NR4A1: variants seen among roughly 807,000 people sequenced by gnomAD.
The protein encoded by NR4A1 is nuclear receptor subfamily 4immunitygroup A member 1.
A neutral mutation model predicts 47.5 loss-of-function variants in NR4A1; 24 were observed. The observed-to-expected ratio is 0.50, with a 90% confidence interval of 0.37 to 0.71. The LOEUF (loss-of-function observed/expected upper bound fraction) is 0.71. NR4A1 is among the 30% of genes least tolerant of loss of function. The probability of loss-of-function intolerance (pLI) is 0.00; values close to 1 mark genes in which losing one functional copy is unlikely to be tolerated. For missense variants in NR4A1, 669 were observed against 788.6 expected, an observed-to-expected ratio of 0.85 and a Z score of 1.82; for synonymous variants, 353 against 345.7, an observed-to-expected ratio of 1.02 and a Z score of -0.24.
At chr12:52,035,403 T>G (rs1938213987) in intron 1 of NR4A1, among the ~76,000 whole-genome samples, 1 of 152,184 alleles carries the variant, frequency 6.6e-6, no homozygotes, top group South Asian at 2.1e-4. Flanking sequence ...TTTTTTCCCT[T>G]CCTGTCTAAA....
chr12:52,035,706 G>C (rs1193992230), intron 1 of NR4A1, among the ~76,000 whole-genome samples: 1 of 152,178 alleles, frequency 6.6e-6, no homozygotes, highest in Non-Finnish European at 1.5e-5. Flanking sequence ...GATTTTGAGA[G>C]ACAAACTCTG....
In NR4A1 at chr12:52,043,607, C is replaced by G. The variant is rs1035934722; in HGVS notation, c.37+1678C>G. On this transcript the variant is annotated intron_variant, in intron 2 of 7. Coordinates refer to the NR4A1 transcript ENST00000360284. ...CTGACTATTTTGGGCTCTTGCTGACCTGGGCCAAAGTCAGGTCCAGTCAAG... is the reference window on the plus strand; with the variant it reads ...CTGACTATTTTGGGCTCTTGCTGACGTGGGCCAAAGTCAGGTCCAGTCAAG... 3.1e-5 allele frequency: 32 copies of G among 1,029,712 alleles called. No individual in the cohort carries two copies. In the African/African-American group the frequency reaches 4.9e-4, roughly 16 times the overall value. The allele number at this position is 1,029,712 out of a possible 1,614,324, so 63.8% of individuals were successfully genotyped here.
chr12:52,053,219 A>C (rs1939073740), intron 1 of NR4A1, among the ~76,000 whole-genome samples: 1 of 152,082 alleles, frequency 6.6e-6, no homozygotes, highest in South Asian at 2.1e-4. Flanking sequence ...CTGTGAATGT[A>C]AGGATCTGCC....
upstream of NR4A1, among the ~76,000 whole-genome samples, chr12:52,048,962 G>A (rs920098176): frequency 6.6e-6 from 1 of 152,154 alleles, no homozygotes; most frequent in African/African-American, 2.4e-5. Context: ...GGTCCAATTG[G>A]CATCATCCTG....
upstream of NR4A1, among the ~76,000 whole-genome samples, chr12:52,051,028 C>T (rs1254197025): frequency 6.6e-6 from 1 of 152,178 alleles, no homozygotes; most frequent in Admixed American, 6.5e-5. Context: ...GCCCCGCGGC[C>T]GCGTCTCTAC....
At chr12:52,055,289 G>A (rs1211709361) in intron 2 of NR4A1, 85 bp downstream of exon 2, 3 of 1,552,098 alleles carry the variant, frequency 1.9e-6, no homozygotes, top group Non-Finnish European at 2.6e-6. Flanking sequence ...TCTCCCCCTG[G>A]GTTCTCCTCC....
In NR4A1 at chr12:52,057,911, A is replaced by C. The variant is rs567135931; in HGVS notation, c.1540+381A>C. 6.4e-4 allele frequency among the ~76,000 whole-genome samples: 98 copies of C among 152,374 alleles called. No individual in the cohort carries two copies. The South Asian group carries it at 0.01, about 16-fold the overall frequency. On this transcript the variant is annotated intron_variant, in intron 6 of 6. Coordinates refer to ENST00000394825, the MANE Select transcript of NR4A1 (RefSeq NM_173157.3). Reference sequence around the variant, plus strand: ...ACCAGCGCCTTGGTCAAGAAAGAGCACATAACTGCCCCCCAGAACCCATTA... The same window carrying C: ...ACCAGCGCCTTGGTCAAGAAAGAGCCCATAACTGCCCCCCAGAACCCATTA...
intron 1 of NR4A1, chr12:52,052,777 C>T (rs1267980473): frequency 1.8e-6 from 1 of 552,696 alleles, no homozygotes; most frequent in African/African-American, 2.0e-5. Flanking sequence ...CAGTTCTGCC[C>T]AACTGCTGTC....
upstream of NR4A1, among the ~76,000 whole-genome samples, chr12:52,048,952 G>A (rs1938787661): frequency 6.6e-6 from 1 of 152,140 alleles, no homozygotes; most frequent in African/African-American, 2.4e-5. Context: ...ATCCTGGATG[G>A]GTCCAATTGG....
At chr12:52,055,304 T>C in intron 2 of NR4A1, 100 bp downstream of exon 2, 2 of 1,494,854 alleles carry the variant, frequency 1.3e-6, no homozygotes, top group Non-Finnish European at 1.8e-6. Flanking sequence ...TCCTCCTAGC[T>C]AAGTCCTGTC....
intron 1 of NR4A1, among the ~76,000 whole-genome samples, chr12:52,028,614 A>C (rs1158660051): frequency 6.6e-6 from 1 of 151,104 alleles, no homozygotes; most frequent in Non-Finnish European, 1.5e-5. Context: ...CTTAAAAGAC[A>C]AAAAGACCAG....
intron 1 of NR4A1, among the ~76,000 whole-genome samples, chr12:52,025,736 C>A (rs1937987508): frequency 1.3e-5 from 2 of 152,182 alleles, no homozygotes; most frequent in African/African-American, 4.8e-5. Flanking sequence ...TAGAAGAGGG[C>A]CTGGCACATA....
At chr12:52,027,226 T>C (rs1460922897) in intron 1 of NR4A1, among the ~76,000 whole-genome samples, 1 of 152,182 alleles carries the variant, frequency 6.6e-6, no homozygotes, top group Non-Finnish European at 1.5e-5. Context: ...TGGAAATAGC[T>C]GAGGCTGTAC....
chr12:52,026,778 T>G (rs1244407439), intron 1 of NR4A1, among the ~76,000 whole-genome samples: 1 of 151,928 alleles, frequency 6.6e-6, no homozygotes, highest in Admixed American at 6.6e-5. Context: ...AATATGTGTA[T>G]TTGAGCCCAG....
intron 1 of NR4A1, among the ~76,000 whole-genome samples, chr12:52,035,490 A>C (rs1761129572): frequency 6.6e-6 from 1 of 152,158 alleles, no homozygotes; most frequent in South Asian, 2.1e-4. Flanking sequence ...AGAAAGGAAA[A>C]GAGGGGGTGG....
intron 2 of NR4A1, among the ~76,000 whole-genome samples, chr12:52,043,250 C>T (rs1189135328): frequency 6.6e-6 from 1 of 152,158 alleles, no homozygotes; most frequent in African/African-American, 2.4e-5. Context: ...TTGGGAAGCA[C>T]GTGAGTGAGG....
chr12:52,056,555 C>G lies in NR4A1; in HGVS notation c.1068C>G (p.Pro356=), dbSNP rs758663583. ...GGCTACCTTCAAAACCCAAGCAGCC[C>G]CCAGATGCCTCCCCTGCCAATCTCC... ...RGRLPSKPKQ[P]PDASPANLLT... Residue 356 remains proline (P), a synonymous_variant, in exon 4 of 7, where the codon CCC becomes CCG. Coordinates refer to ENST00000394825, the MANE Select transcript of NR4A1 (RefSeq NM_173157.3). 7 of 1,613,784 alleles carry G rather than the reference C, an allele frequency of 4.3e-6. No individual in the cohort carries two copies. The highest frequency in any genetic ancestry group is 5.9e-6 in the Non-Finnish European group (7 of 1,179,876).
intron 1 of NR4A1, among the ~76,000 whole-genome samples, chr12:52,031,094 C>T (rs1592280929): frequency 6.6e-6 from 1 of 152,176 alleles, no homozygotes; most frequent in East Asian, 1.9e-4. Flanking sequence ...CAGCTCGCTA[C>T]AGCCTCAGAC....
intron 1 of NR4A1, chr12:52,041,724 A>C: frequency 8.1e-7 from 1 of 1,237,700 alleles, no homozygotes; most frequent in African/African-American, 1.5e-5. Flanking sequence ...CACTGCTCCC[A>C]TTCCTGCGTG....
Sources: gnomAD v4.1 joint callset for allele counts (sites outside exome capture counted in the v4.1 genomes callset) on GRCh38, gnomAD v4.1.1 for gene constraint, MANE v1.5 for transcripts, NCBI Gene and HGNC (gene_info 2026-07-23, HGNC 2026-07-21) for gene names.